The following HAS3 variants were observed in gnomAD, a reference collection of about 807,000 sequenced individuals.
The protein encoded by HAS3 is hyaluronan synthase 3.
HAS3 carries 27 observed loss-of-function variants against 50.3 expected under a neutral mutation model. That is an observed-to-expected ratio of 0.54 (90% CI 0.40 to 0.74). HAS3 has a LOEUF of 0.74. Ranked by LOEUF, HAS3 falls within the 30% of genes least tolerant of loss-of-function variation. The probability of loss-of-function intolerance (pLI) is 0.00; values close to 1 mark genes in which losing one functional copy is unlikely to be tolerated. For synonymous variants in HAS3, 339 were observed against 310.9 expected (o/e 1.09, Z -0.95); for missense variants, 517 against 742.8 (o/e 0.70, Z 3.53).
the HAS3 span, among the ~76,000 whole-genome samples, chr16:69,088,595 T>TA: frequency 1.4e-5 from 2 of 139,616 alleles, no homozygotes; most frequent in African/African-American, 5.3e-5. Flanking sequence ...GAAAAAAAAG[T>TA]AAAGTGGTGA....
the HAS3 span, among the ~76,000 whole-genome samples, chr16:69,097,028 C>T: frequency 6.6e-6 from 1 of 151,734 alleles, no homozygotes; most frequent in Non-Finnish European, 1.5e-5. Context: ...CATGGTGGCA[C>T]GTGGTCCCAG....
In HAS3 at chr16:69,114,261, T is replaced by C. The variant is rs937728140; in HGVS notation, c.739-82T>C. On this transcript the variant is annotated intron_variant, in intron 3 of 3. Coordinates refer to ENST00000569188, the MANE Select transcript of HAS3 (RefSeq NM_001199280.2). The surrounding 1 kb of genome is among the most constrained non-coding windows in gnomAD (Gnocchi z 6.4). ...TCTAAGCAGCGGGCCACAGAAGCCA[T>C]GGTAAGGAGGCCTCGTGGTCTCTGA... is the stretch of plus-strand genomic sequence containing the variant. The C allele has an allele frequency of 2.7e-6, 4 of 1,502,842 alleles. No individual in the cohort carries two copies. The highest frequency in any genetic ancestry group is 4.5e-5 in the East Asian group (2 of 44,000). 93.1% of individuals were successfully genotyped at this position (1,502,842 alleles called of 1,614,324 possible).
In HAS3 at chr16:69,116,389, G is replaced by A. The variant is rs773992340; in HGVS notation, c.*1123G>A. ...TGATCAAATTGGCTACAATCTTGGA[G>A]CTGCTTGGACGGATTCCTTGGCAGC... On this transcript the variant is annotated 3_prime_UTR_variant, in exon 4 of 4. Transcript: ENST00000569188. 3.7e-5 allele frequency: 36 copies of A among 985,778 alleles called. No homozygotes were observed. The highest frequency in any genetic ancestry group is 4.3e-5 in the Non-Finnish European group (36 of 829,940). The allele number at this position is 985,778 out of a possible 1,614,324, so 61.1% of individuals were successfully genotyped here.
At chr16:69,102,886 G>A (rs912180410), upstream of HAS3, among the ~76,000 whole-genome samples, 2 of 152,178 alleles carry the variant, frequency 1.3e-5, no homozygotes, top group Non-Finnish European at 2.9e-5. Context: ...GAGTGAGGAC[G>A]GAAGGGATCC....
At chr16:69,100,605 C>G in the HAS3 span, among the ~76,000 whole-genome samples, 1 of 152,312 alleles carries the variant, frequency 6.6e-6, no homozygotes, top group Non-Finnish European at 1.5e-5. Context: ...CCCGCCTCCC[C>G]TGCTCAAGCC....
At chr16:69,112,490 C>A (rs564627771) in intron 2 of HAS3, among the ~76,000 whole-genome samples, 25 of 152,188 alleles carry the variant, frequency 1.6e-4, no homozygotes, top group Non-Finnish European at 3.7e-4. Flanking sequence ...GAGGCAGCCT[C>A]CTTTCCTGCA....
At position 69,115,717 on chromosome 16, in the gene HAS3, T is replaced by G. The variant is rs918473448; in HGVS notation, c.*451T>G. ...ACTGAGCGAGCTGGGCCGGTTAGTG[T>G]ATGTCACCCCCACCCCACCCCTAAG... is the stretch of plus-strand genomic sequence containing the variant. On this transcript the variant is annotated 3_prime_UTR_variant, in exon 4 of 4. Coordinates refer to ENST00000569188, the MANE Select transcript of HAS3 (RefSeq NM_001199280.2). 2.0e-6 allele frequency: 2 copies of G among 988,778 alleles called. No individual in the cohort carries two copies. Among genetic ancestry groups the G allele is most frequent in the African/African-American group, 1.7e-5 (1 of 57,296 alleles). 61.3% of individuals were successfully genotyped at this position (988,778 alleles called of 1,614,324 possible).
At chr16:69,105,265 GA>G (rs1337869303), upstream of HAS3, among the ~76,000 whole-genome samples, 5 of 151,950 alleles carry the variant, frequency 3.3e-5, no homozygotes, top group African/African-American at 1.2e-4. Flanking sequence ...GTTTTCCTGA[GA>G]TGTAAAAACT....
chr16:69,117,751 G>GACTC (rs1961258766), downstream of HAS3: 1 of 540,570 alleles, frequency 1.8e-6, no homozygotes, highest in African/African-American at 2.0e-5. Context: ...AGTCAGGTGG[G>GACTC]ACTCAAGACC....
chr16:69,088,484 C>A, the HAS3 span, among the ~76,000 whole-genome samples: 2 of 149,700 alleles, frequency 1.3e-5, no homozygotes, highest in African/African-American at 4.9e-5. Context: ...CACTTAAACC[C>A]AGGAGGCAGA....
intron 2 of HAS3, among the ~76,000 whole-genome samples, chr16:69,111,209 T>C (rs998602289): frequency 1.5e-5 from 2 of 131,690 alleles, no homozygotes; most frequent in Non-Finnish European, 3.1e-5. Flanking sequence ...TAGCTGGGAT[T>C]ACAGGTGTGC....
chr16:69,113,568 G>A, intron 3 of HAS3, 26 bp downstream of exon 3: 1 of 1,359,670 alleles, frequency 7.4e-7, no homozygotes, highest in South Asian at 1.2e-5. Flanking sequence ...GGATATCTGT[G>A]GGGAGGGGTC....
Position 69,113,537 on chromosome 16 carries a change from G to T in HAS3, c.733G>T (p.Val245Phe). The part of the protein sequence containing the change: ...DPQVGGVGGD[V>F]QILNKYDSWI... ...CCAAGTAGGGGGAGTCGGGGGAGAT[G>T]TCCAGGTAAGATGAGACCAGGGATA... The change falls in exon 3 of 4, where the codon GTC (valine) becomes TTC (phenylalanine). Residue 245 changes from valine (V) to phenylalanine (F), a missense_variant. By Grantham distance (50) the Val-to-Phe change is conservative. Coordinates refer to ENST00000569188, the MANE Select transcript of HAS3 (RefSeq NM_001199280.2). The T allele has an allele frequency of 6.3e-7, 1 of 1,586,430 alleles. No homozygotes were observed. The highest frequency in any genetic ancestry group is 8.7e-7 in the Non-Finnish European group (1 of 1,155,630).
chr16:69,110,936 C>T (rs1011472791), intron 2 of HAS3, among the ~76,000 whole-genome samples: 2 of 152,114 alleles, frequency 1.3e-5, no homozygotes, highest in African/African-American at 2.4e-5. Flanking sequence ...GACACAGGTG[C>T]GAATGACTAG....
chr16:69,089,001 C>T, the HAS3 span, among the ~76,000 whole-genome samples: 371 of 152,200 alleles, frequency 2.4e-3, 2 homozygotes, highest in African/African-American at 6.9e-3. Flanking sequence ...AGCAGTGATC[C>T]CCAGCCCTTT....
the HAS3 span, among the ~76,000 whole-genome samples, chr16:69,085,932 T>A: frequency 6.6e-6 from 1 of 150,786 alleles, no homozygotes; most frequent in East Asian, 2.0e-4. Flanking sequence ...AGTAGTGCAG[T>A]CATGGCTCAC....
In HAS3 at chr16:69,114,222, C is replaced by A; in HGVS notation, c.739-121C>A. The stretch of plus-strand genomic sequence containing the variant: ...CTCAGGTTTCCCAGCTCCAAAGGAA[C>A]CGATGGCCAGGAATCTAAGCAGCGG... On this transcript the variant is annotated intron_variant, in intron 3 of 3. Transcript: ENST00000569188. The surrounding 1 kb of genome is among the most constrained non-coding windows in gnomAD (Gnocchi z 6.4). The A allele has an allele frequency of 3.5e-6, 5 of 1,447,768 alleles. No homozygotes were observed. Among genetic ancestry groups the A allele is most frequent in the Non-Finnish European group, 4.6e-6 (5 of 1,088,860 alleles). The allele number at this position is 1,447,768 out of a possible 1,614,324, so 89.7% of individuals were successfully genotyped here.
upstream of HAS3, among the ~76,000 whole-genome samples, chr16:69,103,712 A>C (rs781430183): frequency 3.9e-5 from 6 of 152,042 alleles, no homozygotes; most frequent in Non-Finnish European, 8.8e-5. Flanking sequence ...GTTTTCTTTT[A>C]TTCAAACACT....
At chr16:69,118,639 G>C, downstream of HAS3, 2 of 700,518 alleles carry the variant, frequency 2.9e-6, no homozygotes, top group African/African-American at 3.5e-5. Context: ...TTCTCTCAAG[G>C]GCAGGATTAT....
Sources: allele counts gnomAD v4.1 joint callset (sites outside exome capture counted in the v4.1 genomes callset), GRCh38; gene constraint gnomAD v4.1.1; non-coding constraint Gnocchi (gnomAD v3.1); transcripts MANE v1.5; gene names NCBI Gene and HGNC (gene_info 2026-07-23, HGNC 2026-07-21).